Variants in INPP5D observed in about 807,000 individuals in gnomAD.
The protein encoded by INPP5D is inositol polyphosphate-5-phosphatase D.
Under a neutral mutation model 122.9 loss-of-function variants are expected in INPP5D, and 33 were observed. The ratio of observed to expected loss-of-function variants is 0.27; its 90% CI spans 0.20 to 0.36. The LOEUF is 0.36. INPP5D is among the 10% of genes least tolerant of loss of function. The probability of loss-of-function intolerance (pLI) is 1.00; values close to 1 mark genes in which losing one functional copy is unlikely to be tolerated. For missense variants in INPP5D, 1,053 were observed against 1,412.7 expected, an observed-to-expected ratio of 0.75 and a Z score of 4.08; for synonymous variants, 584 against 576.2, an observed-to-expected ratio of 1.01 and a Z score of -0.19.
intron 22 of INPP5D, among the ~76,000 whole-genome samples, chr2:233,193,395 G>A (rs962841347): frequency 1.3e-5 from 2 of 152,164 alleles, no homozygotes; most frequent in African/African-American, 4.8e-5. Context: ...GTACCCTCTT[G>A]CCTGGGGAGC....
At chr2:233,133,551 G>A (rs1693389321) in intron 5 of INPP5D, among the ~76,000 whole-genome samples, 1 of 152,174 alleles carries the variant, frequency 6.6e-6, no homozygotes, top group African/African-American at 2.4e-5. Context: ...TGGAATTTTA[G>A]GTGAACAGCA....
intron 22 of INPP5D, among the ~76,000 whole-genome samples, chr2:233,193,526 C>T (rs1307754662): frequency 6.6e-6 from 1 of 152,184 alleles, no homozygotes; most frequent in Non-Finnish European, 1.5e-5. Flanking sequence ...TATGCTGCAT[C>T]AAATCTTGGG....
At position 233,160,333 on chromosome 2, in the gene INPP5D, A is replaced by G. The variant is rs769393457; in HGVS notation, c.1138-1391A>G. On this transcript the variant is annotated intron_variant, in intron 10 of 26. Coordinates refer to ENST00000445964, the MANE Select transcript of INPP5D (RefSeq NM_001017915.3). This position sits in a 1 kb window ranked among gnomAD's most constrained non-coding sequence, Gnocchi z 4.2. ...CCGCCTGCTCTATTGATTGCATCCTAAGAGAGGGCCAACTGAGGCTGCTTG... is the reference window on the plus strand; with the variant it reads ...CCGCCTGCTCTATTGATTGCATCCTGAGAGAGGGCCAACTGAGGCTGCTTG... Among the ~76,000 whole-genome samples the G allele has an allele frequency of 4.6e-5, 7 of 152,222 alleles. No homozygotes were observed. The highest frequency in any genetic ancestry group is 1.0e-4 in the Non-Finnish European group (7 of 68,034).
At chr2:233,162,753 G>A (rs1694229257) in intron 11 of INPP5D, among the ~76,000 whole-genome samples, 1 of 152,218 alleles carries the variant, frequency 6.6e-6, no homozygotes, top group African/African-American at 2.4e-5. Flanking sequence ...TGGAAGTGAA[G>A]TGACAGCTTG....
intron 25 of INPP5D, among the ~76,000 whole-genome samples, chr2:233,203,196 G>A (rs1007159894): frequency 3.3e-5 from 5 of 152,210 alleles, no homozygotes; most frequent in African/African-American, 1.2e-4. Flanking sequence ...TGAGGAGGAG[G>A]TGTGATCGCC....
chr2:233,124,170 G>A (rs566917667), intron 3 of INPP5D, among the ~76,000 whole-genome samples: 22 of 151,004 alleles, frequency 1.5e-4, no homozygotes, highest in African/African-American at 4.9e-4. Context: ...ATACCTAACC[G>A]GGCCCCTCAG....
At chr2:233,140,959 G>A (rs1024583053) in intron 6 of INPP5D, 4 of 152,208 alleles carry the variant, frequency 2.6e-5, no homozygotes, top group Admixed American at 1.3e-4. Context: ...ATGAAAAGGC[G>A]TTCAACCTCA....
chr2:233,139,794 T>C (rs975214812), intron 5 of INPP5D, 48 bp from the exon 6 acceptor site: 19 of 398,086 alleles, frequency 4.8e-5, no homozygotes, highest in Non-Finnish European at 8.0e-5. Flanking sequence ...GGAAGACTCT[T>C]TCCGGTGCCC....
At chr2:233,133,884 G>A (rs1299491911) in intron 5 of INPP5D, 1 of 438,658 alleles carries the variant, frequency 2.3e-6, no homozygotes, top group Non-Finnish European at 4.6e-6. Context: ...AGGGGTCTGT[G>A]TCTGTTTTGC....
In INPP5D at chr2:233,118,896, C is replaced by T. The variant is rs145498985; in HGVS notation, c.199-3211C>T. 4.4e-3 allele frequency among the ~76,000 whole-genome samples: 677 copies of T among 152,370 alleles called. 7 individuals are homozygous for T. The highest frequency in any genetic ancestry group is 0.016 in the African/African-American group (646 of 41,590). On this transcript the variant is annotated intron_variant, in intron 2 of 26. Transcript: ENST00000445964. ...CCTTCCTGGGAACCCGGGCAGCCGG[C>T]AGCCTTGGTTTGCCAGACCCTGGCT...
Position 233,086,303 on chromosome 2 carries a change from C to T in INPP5D, c.198+6905C>T, listed in dbSNP as rs566343310. Among the ~76,000 whole-genome samples, 18 of 151,914 alleles carry T rather than the reference C, an allele frequency of 1.2e-4. 1 individual carries two copies. Among genetic ancestry groups the T allele is most frequent in the South Asian group, 4.2e-4 (2 of 4,816 alleles). On this transcript the variant is annotated intron_variant, in intron 2 of 26. Transcript: ENST00000445964. ...AAGTGATTCTCCTGCCTCAGCCTCC[C>T]AAGTAGCTGGGATTACAGGCACCTG...
intron 2 of INPP5D, among the ~76,000 whole-genome samples, chr2:233,113,937 C>G (rs1275918004): frequency 7.3e-6 from 1 of 137,580 alleles, no homozygotes; most frequent in African/African-American, 3.1e-5. Context: ...GACGGAGTCT[C>G]GCTCTGTCGC....
chr2:233,175,730 T>C (rs1219843649), intron 17 of INPP5D, among the ~76,000 whole-genome samples: 1 of 151,606 alleles, frequency 6.6e-6, no homozygotes, highest in Non-Finnish European at 1.5e-5. Context: ...TTGCCCAGGC[T>C]GGAGTGCAGT....
intron 5 of INPP5D, among the ~76,000 whole-genome samples, chr2:233,137,897 T>TATATAC (rs1453339834): frequency 6.7e-5 from 3 of 44,540 alleles, no homozygotes; most frequent in South Asian, 6.8e-4. Flanking sequence ...TATATATATA[T>TATATAC]ACACACACAC....
In INPP5D at chr2:233,083,758, G is replaced by T. The variant is rs1163441260; in HGVS notation, c.198+4360G>T. 2.0e-5 allele frequency among the ~76,000 whole-genome samples: 3 copies of T among 152,182 alleles called. No homozygotes were observed. In the East Asian group the frequency reaches 5.8e-4, roughly 29 times the overall value. On this transcript the variant is annotated intron_variant, in intron 2 of 26. Transcript: ENST00000445964. ...AGCCGCCCTCATGGGCCAGCTCCAGGGTGGCCAGGGAGGCCTGGAGTGGCC... is the reference window on the plus strand; with the variant it reads ...AGCCGCCCTCATGGGCCAGCTCCAGTGTGGCCAGGGAGGCCTGGAGTGGCC...
intron 24 of INPP5D, among the ~76,000 whole-genome samples, chr2:233,196,292 C>CTGTGACAAAGCTGGGGAAATTCTAATG (rs1372762245): frequency 2.0e-5 from 3 of 152,200 alleles, no homozygotes. Flanking sequence ...GTTGATGTGA[C>CTGTGACAAAGCTGGGGAAATTCTAATG]TGTGACAAAG....
intron 3 of INPP5D, among the ~76,000 whole-genome samples, 153 bp from the exon 4 acceptor site, chr2:233,125,592 G>A (rs1221016507): frequency 2.0e-5 from 3 of 152,202 alleles, no homozygotes; most frequent in Non-Finnish European, 2.9e-5. Context: ...GTGGCAGGAG[G>A]CTCTCCCTCC....
intron 2 of INPP5D, among the ~76,000 whole-genome samples, chr2:233,119,225 A>C (rs548752222): frequency 1.3e-5 from 2 of 152,154 alleles, no homozygotes; most frequent in Non-Finnish European, 2.9e-5. Flanking sequence ...CCAGCCGAGA[A>C]TCCTTTTCTG....
Position 233,189,665 on chromosome 2 carries a change from C to T in INPP5D, c.2359-185C>T, listed in dbSNP as rs1046659581. ...GAGGGGGACAGGGAAGGAAGCTAAC[C>T]CCCACCTTGCTGGACAGGGTGTATG... On this transcript the variant is annotated intron_variant, in intron 21 of 26. Coordinates refer to ENST00000445964, the MANE Select transcript of INPP5D (RefSeq NM_001017915.3). The surrounding 1 kb of genome is among the most constrained non-coding windows in gnomAD (Gnocchi z 5.6). 6.6e-6 allele frequency among the ~76,000 whole-genome samples: 1 copy of T among 152,070 alleles called. No homozygotes were observed. Among genetic ancestry groups the T allele is most frequent in the African/African-American group, 2.4e-5 (1 of 41,408 alleles).
Sources: gnomAD v4.1 joint callset for allele counts (sites outside exome capture counted in the v4.1 genomes callset) on GRCh38, gnomAD v4.1.1 for gene constraint, Gnocchi (gnomAD v3.1) non-coding constraint, MANE v1.5 for transcripts, NCBI Gene and HGNC (gene_info 2026-07-23, HGNC 2026-07-21) for gene names.